Variants in ADAP1 observed in about 807,000 individuals in gnomAD.
ADAP1 encodes ArfGAP with dual PH domains 1, also known as arf-GAP with dual PH domain-containing protein 1.
In ADAP1, 31 loss-of-function variants were observed where a neutral mutation model predicts 54.9. The ratio of observed to expected loss-of-function variants is 0.56; its 90% confidence interval spans 0.42 to 0.76. ADAP1 has a LOEUF of 0.76. Ranked by LOEUF, ADAP1 falls within the 30% of genes least tolerant of loss-of-function variation. The pLI is 0.00. For missense variants in ADAP1, 535 were observed against 512.4 expected (o/e 1.04, Z -0.42); for synonymous variants, 313 against 202.6 (o/e 1.55, Z -4.63).
At chr7:925,363 A>T (rs1224402404) in intron 3 of ADAP1, among the ~76,000 whole-genome samples, 14 of 10,042 alleles carry the variant, frequency 1.4e-3, no homozygotes, top group African/African-American at 6.3e-3. Context: ...TCTATATTTA[A>T]AAAAAAAAAA....
intron 5 of ADAP1, 48 bp from the exon 6 acceptor site, chr7:904,320 C>A (rs770072086): frequency 6.6e-7 from 1 of 1,525,468 alleles, no homozygotes; most frequent in East Asian, 2.4e-5. Context: ...GTCGTCCAAG[C>A]TCAAGGGAGC....
chr7:903,024 A>G (rs559164262), intron 6 of ADAP1, among the ~76,000 whole-genome samples: 1 of 152,258 alleles, frequency 6.6e-6, no homozygotes, highest in South Asian at 2.1e-4. Context: ...AAGACGTAGG[A>G]CCCGGGCAGC....
intron 4 of ADAP1, among the ~76,000 whole-genome samples, chr7:905,803 AGGAGAAAGGAGAAGGGAGAAGGGAGAAG>A (rs1845229415): frequency 2.4e-5 from 1 of 41,856 alleles, no homozygotes; most frequent in African/African-American, 9.1e-5. Context: ...GAAAGGAGAA[AGGAGAAAGGAGAAGGGAGAAGGGAGAAG>A]GGAGAAGGGA....
At chr7:951,722 G>A (rs1392289628) in intron 1 of ADAP1, among the ~76,000 whole-genome samples, 1 of 152,200 alleles carries the variant, frequency 6.6e-6, no homozygotes, top group Non-Finnish European at 1.5e-5. Context: ...GTGACAGAGC[G>A]AGACCTTAAA....
At position 927,766 on chromosome 7, in the gene ADAP1, G is replaced by A. The variant is rs79110217; in HGVS notation, c.214-1122C>T. Among the ~76,000 whole-genome samples, 510 of 152,312 alleles carry A rather than the reference G, an allele frequency of 3.3e-3. 6 individuals are homozygous for A. Among genetic ancestry groups the A allele is most frequent in the Non-Finnish European group, 5.2e-3 (353 of 68,032 alleles). On this transcript the variant is annotated intron_variant, in intron 2 of 10. Coordinates refer to ENST00000265846, the MANE Select transcript of ADAP1 (RefSeq NM_006869.4). ...CCCAGGTCTCCAAGGGAAAACTGGCGTGTGCTCCCGAGGACGAGAGCCTCG... is the reference window on the plus strand; with the variant it reads ...CCCAGGTCTCCAAGGGAAAACTGGCATGTGCTCCCGAGGACGAGAGCCTCG...
At chr7:944,818 T>G (rs138047128) in intron 1 of ADAP1, among the ~76,000 whole-genome samples, 1 of 152,260 alleles carries the variant, frequency 6.6e-6, no homozygotes, top group African/African-American at 2.4e-5. Context: ...TCTTATTCTA[T>G]TCTTTGTACC....
At chr7:915,970 T>C (rs1845918000) in intron 4 of ADAP1, among the ~76,000 whole-genome samples, 3 of 151,696 alleles carry the variant, frequency 2.0e-5, no homozygotes, top group South Asian at 4.2e-4. Flanking sequence ...CCACGCCCAC[T>C]GCCCACGAGA....
intron 2 of ADAP1, among the ~76,000 whole-genome samples, chr7:931,541 A>G (rs1380529514): frequency 6.6e-6 from 1 of 152,112 alleles, no homozygotes; most frequent in East Asian, 1.9e-4. Flanking sequence ...CACAGAGAGA[A>G]AGTGGATTTG....
Position 927,353 on chromosome 7 carries a change from C to G in ADAP1, c.214-709G>C, listed in dbSNP as rs1583170576. 3.7e-6 allele frequency: 3 copies of G among 804,186 alleles called. No homozygotes were observed. The Admixed American group carries it at 8.3e-5, about 22-fold the overall frequency. 49.8% of individuals were successfully genotyped at this position (804,186 alleles called of 1,614,324 possible). On this transcript the variant is annotated intron_variant, in intron 2 of 10. Coordinates refer to ENST00000265846, the MANE Select transcript of ADAP1 (RefSeq NM_006869.4). ...TGGACGCTGGCAATGACCCTGCCGC[C>G]AGCCAGGTATGGTGAGCCTTGAGCA...
rs1846169009 is a variant in ADAP1, at chr7:920,866, C to T, written c.306-816G>A. 6 of 1,550,062 alleles carry T rather than the reference C, an allele frequency of 3.9e-6. No homozygotes were observed. The Admixed American group carries it at 5.9e-5, about 15-fold the overall frequency. Reference sequence around the variant, plus strand: ...CCAGGTGCACAGGCAGCCGCCCCAGCCTTTTCCACTCCCAGGGAATTACGC... The same window carrying T: ...CCAGGTGCACAGGCAGCCGCCCCAGTCTTTTCCACTCCCAGGGAATTACGC... On this transcript the variant is annotated intron_variant, in intron 3 of 10. Coordinates refer to ENST00000265846, the MANE Select transcript of ADAP1 (RefSeq NM_006869.4). This position sits in a 1 kb window ranked among gnomAD's most constrained non-coding sequence, Gnocchi z 4.5.
chr7:947,214 G>GT (rs373444087), intron 1 of ADAP1, among the ~76,000 whole-genome samples: 2,972 of 84,180 alleles, frequency 0.035, 63 homozygotes, highest in African/African-American at 0.048. Context: ...TGATTTTTTG[G>GT]TTTTTTTTTT....
rs1419635903 is a variant in ADAP1 at position 938,763 on chromosome 7, G to T, written c.83-3258C>A. On this transcript the variant is annotated intron_variant, in intron 1 of 10. Transcript: ENST00000265846. The surrounding 1 kb of genome is among the most constrained non-coding windows in gnomAD (Gnocchi z 4.4). ...TGGGAACATCACCGCTCGGGGTGCAGTGGGGGGCCCTCCTTCTCACCGCAT... is the reference window on the plus strand; with the variant it reads ...TGGGAACATCACCGCTCGGGGTGCATTGGGGGGCCCTCCTTCTCACCGCAT... Among the ~76,000 whole-genome samples, 1 of 152,258 alleles carries T rather than the reference G, an allele frequency of 6.6e-6. No homozygotes were observed. Among genetic ancestry groups the T allele is most frequent in the Non-Finnish European group, 1.5e-5 (1 of 68,042 alleles).
intron 4 of ADAP1, among the ~76,000 whole-genome samples, chr7:910,382 T>G (rs1401238703): frequency 6.6e-6 from 1 of 152,070 alleles, no homozygotes; most frequent in African/African-American, 2.4e-5. Flanking sequence ...CCCGAGTAGC[T>G]GGGACCACAG....
rs1847345824 is a variant in ADAP1, at chr7:954,674, A to C, written c.-197T>G. 1 of 981,534 alleles carries C rather than the reference A, an allele frequency of 1.0e-6. No individual in the cohort carries two copies. Among genetic ancestry groups the C allele is most frequent in the African/African-American group, 1.8e-5 (1 of 56,634 alleles). 60.8% of individuals were successfully genotyped at this position (981,534 alleles called of 1,614,324 possible). ...GCTCGTGTCTCCGCCGCGGTCGCTGAGCGAGTGCCGGCGCGGGGCCCGGGG... is the reference window on the plus strand; with the variant it reads ...GCTCGTGTCTCCGCCGCGGTCGCTGCGCGAGTGCCGGCGCGGGGCCCGGGG... On this transcript the variant is annotated 5_prime_UTR_variant, in exon 1 of 11. Coordinates refer to ENST00000265846, the MANE Select transcript of ADAP1 (RefSeq NM_006869.4).
At chr7:935,281 C>T (rs1268697843) in intron 2 of ADAP1, 94 bp downstream of exon 2, 1 of 1,488,030 alleles carries the variant, frequency 6.7e-7, no homozygotes, top group Non-Finnish European at 9.1e-7. Context: ...GCTCCAGGGG[C>T]CACAGCCAGG....
chr7:901,563 T>G (rs911109851), intron 6 of ADAP1, among the ~76,000 whole-genome samples: 2 of 152,164 alleles, frequency 1.3e-5, no homozygotes, highest in Non-Finnish European at 2.9e-5. Flanking sequence ...AGCTGGAGGA[T>G]GGTGTAGCCC....
intron 4 of ADAP1, among the ~76,000 whole-genome samples, chr7:912,216 G>T (rs1294958385): frequency 1.3e-5 from 2 of 152,188 alleles, no homozygotes; most frequent in Non-Finnish European, 2.9e-5. Context: ...AGGAGCACGG[G>T]GTCCGGAGCC....
intron 10 of ADAP1, 36 bp from the exon 11 acceptor site, chr7:898,985 C>T (rs370311201): frequency 6.0e-5 from 96 of 1,610,200 alleles, no homozygotes; most frequent in Middle Eastern, 3.3e-4. Flanking sequence ...GTCACAGCGG[C>T]GGGGAGCTGG....
intron 1 of ADAP1, among the ~76,000 whole-genome samples, chr7:952,584 T>C (rs1166047138): frequency 6.6e-6 from 1 of 152,110 alleles, no homozygotes; most frequent in African/African-American, 2.4e-5. Flanking sequence ...ACACCGCCTG[T>C]TCCACCCTGT....
Sources: allele counts gnomAD v4.1 joint callset (sites outside exome capture counted in the v4.1 genomes callset), GRCh38; gene constraint gnomAD v4.1.1; non-coding constraint Gnocchi (gnomAD v3.1); transcripts MANE v1.5; gene names NCBI Gene and HGNC (gene_info 2026-07-23, HGNC 2026-07-21).